Variants in MTUS1 observed in about 807,000 individuals in gnomAD.
MTUS1 encodes microtubule-associated tumor suppressor 1.
In MTUS1, 109 loss-of-function variants were observed where a neutral mutation model predicts 120.8. The ratio of observed to expected loss-of-function variants is 0.90; its 90% CI spans 0.77 to 1.06. The LOEUF is 1.06. MTUS1 is among the 50% of genes least tolerant of loss of function. The pLI is 0.00. For synonymous variants in MTUS1, 737 were observed against 550.5 expected, an observed-to-expected ratio of 1.34 and a Z score of -4.74; for missense variants, 2,210 against 1,486.3, an observed-to-expected ratio of 1.49 and a Z score of -8.01.
intron 6 of MTUS1, among the ~76,000 whole-genome samples, chr8:17,700,102 T>C (rs958696085): frequency 2.0e-5 from 3 of 152,072 alleles, no homozygotes; most frequent in African/African-American, 7.2e-5. Flanking sequence ...CCAAGGACAG[T>C]AGAGGAAAAA....
intron 12 of MTUS1, 37 bp from the exon 13 acceptor site, chr8:17,649,999 C>T (rs1340025362): frequency 2.9e-6 from 3 of 1,050,400 alleles, no homozygotes; most frequent in East Asian, 2.4e-5. Context: ...TCTTATTCCA[C>T]ATAGTTCAAA....
intron 8 of MTUS1, among the ~76,000 whole-genome samples, chr8:17,669,861 C>A (rs551075045): frequency 3.4e-5 from 5 of 145,998 alleles, no homozygotes; most frequent in East Asian, 2.0e-4. Context: ...ACAAAAAAAA[C>A]AAAATGTCCA....
In MTUS1 at chr8:17,754,958, C is replaced by A; in HGVS notation, c.850G>T (p.Val284Phe). The change falls in exon 2 of 15, where the codon GTT (valine) becomes TTT (phenylalanine). Residue 284 changes from valine to phenylalanine, a missense_variant. Physicochemically the swap from Val to Phe is conservative, Grantham distance 50. Coordinates refer to ENST00000693296, the MANE Select transcript of MTUS1 (RefSeq NM_001363059.2). ...EYTDGSQQRLVGEKETQALTP... is the reference protein window; with the variant it reads ...EYTDGSQQRLFGEKETQALTP... ...AGTGCTTGTGTCTCCTTTTCTCCAA[C>A]TAGTCTTTGTTGTGATCCATCTGTG... The A allele has an allele frequency of 6.2e-7, 1 of 1,614,088 alleles. No individual in the cohort carries two copies. Among genetic ancestry groups the A allele is most frequent in the South Asian group, 1.1e-5 (1 of 91,078 alleles).
intron 6 of MTUS1, among the ~76,000 whole-genome samples, chr8:17,688,807 CAT>C (rs759516863): frequency 3.1e-4 from 47 of 152,258 alleles, no homozygotes; most frequent in Middle Eastern, 3.4e-3. Context: ...ATTTAGGAGA[CAT>C]ATATTTTTCT....
chr8:17,670,320 T>A (rs954545826), intron 8 of MTUS1, among the ~76,000 whole-genome samples: 5 of 152,160 alleles, frequency 3.3e-5, no homozygotes, highest in Admixed American at 1.3e-4. Flanking sequence ...TCTGTGTCAC[T>A]GTTGTATAGG....
intron 1 of MTUS1, among the ~76,000 whole-genome samples, chr8:17,800,210 T>G (rs181565321): frequency 6.6e-6 from 1 of 152,190 alleles, no homozygotes; most frequent in East Asian, 1.9e-4. Context: ...CCCTTCCTCC[T>G]GAAATTCACT....
chr8:17,795,638 ATATTCCTTT>A (rs2052162403), intron 1 of MTUS1, among the ~76,000 whole-genome samples: 1 of 152,042 alleles, frequency 6.6e-6, no homozygotes, highest in African/African-American at 2.4e-5. Flanking sequence ...GTATACAAGA[ATATTCCTTT>A]TATTCCTTTT....
At chr8:17,728,560 T>G (rs1052888147) in intron 3 of MTUS1, among the ~76,000 whole-genome samples, 3 of 152,206 alleles carry the variant, frequency 2.0e-5, no homozygotes, top group African/African-American at 7.2e-5. Context: ...GCCACAGAAT[T>G]AGACGTTCTC....
intron 9 of MTUS1, 25 bp from the exon 10 acceptor site, chr8:17,654,691 G>C (rs1585422925): frequency 2.6e-6 from 4 of 1,557,728 alleles, no homozygotes; most frequent in African/African-American, 2.7e-5. Context: ...CAAAACCGTG[G>C]TTTAACAGTA....
At chr8:17,717,555 A>T (rs1225794351) in intron 4 of MTUS1, among the ~76,000 whole-genome samples, 1 of 152,232 alleles carries the variant, frequency 6.6e-6, no homozygotes, top group Non-Finnish European at 1.5e-5. Flanking sequence ...TCACTTATTC[A>T]TATTTTAAAA....
At chr8:17,787,770 C>T (rs961734083) in intron 1 of MTUS1, among the ~76,000 whole-genome samples, 6 of 152,310 alleles carry the variant, frequency 3.9e-5, no homozygotes, top group Middle Eastern at 3.4e-3. Context: ...TAAAACAAGC[C>T]TTATTATCAT....
intron 5 of MTUS1, among the ~76,000 whole-genome samples, chr8:17,714,746 G>T (rs1053992845): frequency 1.3e-5 from 2 of 152,072 alleles, no homozygotes; most frequent in African/African-American, 4.8e-5. Flanking sequence ...AGCAATTGCT[G>T]GTTGACAGAA....
Position 17,647,118 on chromosome 8 carries a change from A to G in MTUS1, c.3502-39T>C, listed in dbSNP as rs538935142. ...AGAATTCCAACATTTATACAATATT[A>G]AAAAAAAAACCCCTCATTTCTTAAG... On this transcript the variant is annotated intron_variant, in intron 13 of 14. Coordinates refer to ENST00000693296, the MANE Select transcript of MTUS1 (RefSeq NM_001363059.2). The G allele has an allele frequency of 7.2e-6, 9 of 1,247,886 alleles. No individual in the cohort carries two copies. In the East Asian group the frequency reaches 2.1e-4, roughly 29 times the overall value. 77.3% of individuals were successfully genotyped at this position (1,247,886 alleles called of 1,614,324 possible).
chr8:17,676,202 C>T (rs1273105194), intron 7 of MTUS1: 3 of 700,176 alleles, frequency 4.3e-6, no homozygotes, highest in Non-Finnish European at 7.8e-6. Flanking sequence ...AAAGCATTTT[C>T]CCTGAATTCC....
At chr8:17,758,406 T>G (rs2048786833) in intron 1 of MTUS1, among the ~76,000 whole-genome samples, 1 of 152,244 alleles carries the variant, frequency 6.6e-6, no homozygotes, top group Admixed American at 6.5e-5. Context: ...GGCTGCGTGA[T>G]TTATATACTG....
intron 7 of MTUS1, among the ~76,000 whole-genome samples, chr8:17,675,710 A>G (rs1193713753): frequency 6.6e-6 from 1 of 152,218 alleles, no homozygotes; most frequent in Non-Finnish European, 1.5e-5. Flanking sequence ...TACAATGCCA[A>G]TCCTTCTAAA....
chr8:17,646,887 T>A (rs1008444849), intron 14 of MTUS1, 95 bp downstream of exon 14: 2 of 817,910 alleles, frequency 2.4e-6, no homozygotes, highest in African/African-American at 3.4e-5. Context: ...TCCATCATAT[T>A]TCCAGGAGGT....
chr8:17,644,384 A>G lies in MTUS1; in HGVS notation c.*1542T>C, dbSNP rs1585351566. The G allele has an allele frequency of 6.6e-6, 1 of 152,664 alleles. No individual in the cohort carries two copies. The highest frequency in any genetic ancestry group is 6.5e-5 in the Admixed American group (1 of 15,286). 9.5% of individuals were successfully genotyped at this position (152,664 alleles called of 1,614,324 possible). On this transcript the variant is annotated 3_prime_UTR_variant, in exon 15 of 15. Coordinates refer to ENST00000693296, the MANE Select transcript of MTUS1 (RefSeq NM_001363059.2). The stretch of plus-strand genomic sequence containing the variant: ...TCTTCTTACTACAGCTGTTATTTGT[A>G]CAGCCACTGAATGTAGATTAGTAAA...
intron 8 of MTUS1, among the ~76,000 whole-genome samples, chr8:17,658,281 G>T (rs945677081): frequency 4.7e-4 from 72 of 152,130 alleles, no homozygotes; most frequent in African/African-American, 1.7e-3. Context: ...TGATGCGCCT[G>T]CCTCGGCCTC....
Sources: allele counts gnomAD v4.1 joint callset (sites outside exome capture counted in the v4.1 genomes callset), GRCh38; gene constraint gnomAD v4.1.1; transcripts MANE v1.5; gene names NCBI Gene and HGNC (gene_info 2026-07-23, HGNC 2026-07-21).